AP3B1: variants seen among roughly 807,000 people sequenced by gnomAD.
AP3B1 encodes the protein AP-3 complex subunit beta-1.
In AP3B1, 61 loss-of-function variants were observed where a neutral mutation model predicts 132.5. That is an observed-to-expected ratio of 0.46 (90% CI 0.37 to 0.57). AP3B1 has a LOEUF of 0.57. Among genes scored for constraint, AP3B1 ranks in the 20% least tolerant of loss-of-function variants. The probability of loss-of-function intolerance (pLI) is 0.00; values close to 1 mark genes in which losing one functional copy is unlikely to be tolerated. For synonymous variants in AP3B1, 388 were observed against 438.3 expected (o/e 0.89, Z 1.43); for missense variants, 1,120 against 1,289.4 (o/e 0.87, Z 2.01).
intron 21 of AP3B1, among the ~76,000 whole-genome samples, chr5:78,091,277 CAAAAAAAAA>C (rs748473899): frequency 1.3e-5 from 1 of 79,514 alleles, no homozygotes; most frequent in African/African-American, 5.2e-5. Context: ...ATGTATTTGA[CAAAAAAAAA>C]AAAAAAAAAG....
chr5:78,151,695 G>C (rs1391801086), intron 14 of AP3B1, among the ~76,000 whole-genome samples: 3 of 152,030 alleles, frequency 2.0e-5, no homozygotes, highest in African/African-American at 7.2e-5. Flanking sequence ...GGTAACCCTG[G>C]GATAAATCCC....
At chr5:78,094,380 T>C (rs1048643879) in intron 21 of AP3B1, among the ~76,000 whole-genome samples, 2 of 152,208 alleles carry the variant, frequency 1.3e-5, no homozygotes, top group Admixed American at 6.5e-5. Flanking sequence ...GGAAGTTTTA[T>C]AGTCTTTAAA....
intron 26 of AP3B1, chr5:78,003,350 T>C (rs1269290027): frequency 6.5e-5 from 14 of 215,760 alleles, no homozygotes; most frequent in Middle Eastern, 2.2e-3. Flanking sequence ...TCCATTACAA[T>C]ATATTTGAGA....
chr5:78,169,733 G>GTTA (rs138208601), intron 11 of AP3B1, among the ~76,000 whole-genome samples: 32,518 of 151,192 alleles, frequency 0.22, 3,834 homozygotes, highest in Admixed American at 0.35. Context: ...AAGCCCTGAA[G>GTTA]TTTATTTATT....
intron 6 of AP3B1, among the ~76,000 whole-genome samples, chr5:78,217,990 T>C (rs1206037613): frequency 1.3e-5 from 2 of 152,026 alleles, no homozygotes; most frequent in Non-Finnish European, 2.9e-5. Flanking sequence ...AAGAGCTACA[T>C]GTACACAATA....
Position 78,267,610 on chromosome 5 carries a change from A to T in AP3B1, c.129-15T>A. The stretch of plus-strand genomic sequence containing the variant: ...GATCTTCATTCCTATTACAAAAGAG[A>T]AGAAAAAAAATCCATACTTTGATTT... On this transcript the variant is annotated splice_polypyrimidine_tract_variant and intron_variant, in intron 1 of 26. Coordinates refer to ENST00000255194, the MANE Select transcript of AP3B1 (RefSeq NM_003664.5). The T allele has an allele frequency of 6.6e-7, 1 of 1,523,066 alleles. No homozygotes were observed. The highest frequency in any genetic ancestry group is 9.1e-7 in the Non-Finnish European group (1 of 1,101,764). The allele number at this position is 1,523,066 out of a possible 1,614,324, so 94.3% of individuals were successfully genotyped here. A position where few individuals can be genotyped will look rare whatever the true frequency, so the allele number is the denominator to read the frequency against.
intron 22 of AP3B1, among the ~76,000 whole-genome samples, chr5:78,062,610 G>A (rs1233917369): frequency 6.6e-6 from 1 of 152,120 alleles, no homozygotes; most frequent in Non-Finnish European, 1.5e-5. Context: ...AGCTTACTGT[G>A]TTAGAAATAA....
At chr5:78,278,873 G>A (rs1439308940) in intron 1 of AP3B1, among the ~76,000 whole-genome samples, 1 of 152,032 alleles carries the variant, frequency 6.6e-6, no homozygotes, top group Non-Finnish European at 1.5e-5. Flanking sequence ...GATCTAGGCT[G>A]CACGCTCCTT....
intron 1 of AP3B1, among the ~76,000 whole-genome samples, chr5:78,283,700 A>C (rs1749154772): frequency 6.6e-6 from 1 of 152,112 alleles, no homozygotes; most frequent in Admixed American, 6.6e-5. Flanking sequence ...CAGATCCAAA[A>C]CGGACCTCAA....
chr5:78,067,556 AT>A (rs1221902905), intron 22 of AP3B1, among the ~76,000 whole-genome samples: 1 of 152,204 alleles, frequency 6.6e-6, no homozygotes, highest in Non-Finnish European at 1.5e-5. Flanking sequence ...AATAAGTGAA[AT>A]CTTAACAGTC....
chr5:78,281,742 G>A (rs557073741), intron 1 of AP3B1, among the ~76,000 whole-genome samples: 4 of 152,210 alleles, frequency 2.6e-5, no homozygotes, highest in African/African-American at 9.6e-5. Flanking sequence ...ATAGGAGAGA[G>A]GAGAAAATAG....
chr5:78,160,965 A>G (rs1234807420), intron 13 of AP3B1, among the ~76,000 whole-genome samples: 2 of 151,978 alleles, frequency 1.3e-5, no homozygotes, highest in African/African-American at 2.4e-5. Flanking sequence ...ATAATCTGAC[A>G]ATACAATTTA....
chr5:78,116,244 C>T lies in AP3B1; in HGVS notation c.1969-10G>A, dbSNP rs77009095. On this transcript the variant is annotated splice_polypyrimidine_tract_variant and intron_variant, in intron 17 of 26. Transcript: ENST00000255194. ...GGGTCCATTCTTTTGCCTGTTTAAA[C>T]AAATAAAGTAAATATAAATGAATTC... is the stretch of plus-strand genomic sequence containing the variant. The T allele has an allele frequency of 0.069, 110,353 of 1,593,932 alleles. 4,256 individuals are homozygous for T. The highest frequency in any genetic ancestry group is 0.078 in the Non-Finnish European group (90,281 of 1,162,092).
At chr5:78,097,220 C>T (rs1187720472) in intron 21 of AP3B1, among the ~76,000 whole-genome samples, 3 of 120,620 alleles carry the variant, frequency 2.5e-5, no homozygotes, top group South Asian at 2.5e-4. Flanking sequence ...CCAGCCACCC[C>T]GTCCGGGAGG....
At chr5:78,231,298 C>T (rs1015528388) in intron 3 of AP3B1, among the ~76,000 whole-genome samples, 6 of 151,906 alleles carry the variant, frequency 3.9e-5, no homozygotes, top group Admixed American at 3.9e-4. Flanking sequence ...CTCAGCTTCC[C>T]AAGTAGCTGG....
At chr5:78,117,250 T>C (rs1350583502) in intron 17 of AP3B1, among the ~76,000 whole-genome samples, 2 of 151,694 alleles carry the variant, frequency 1.3e-5, no homozygotes, top group East Asian at 1.9e-4. Flanking sequence ...TTTTTAACTG[T>C]TGGTCTATCC....
chr5:78,293,669 T>C (rs1358920823), intron 1 of AP3B1, among the ~76,000 whole-genome samples: 1 of 151,978 alleles, frequency 6.6e-6, no homozygotes, highest in Non-Finnish European at 1.5e-5. Context: ...ATAAGAGAAA[T>C]GTAAAAATGA....
intron 14 of AP3B1, 40 bp downstream of exon 14, chr5:78,156,218 C>T (rs769869983): frequency 1.4e-6 from 2 of 1,422,008 alleles, no homozygotes; most frequent in Non-Finnish European, 2.0e-6. Context: ...TTACAACTTA[C>T]TGAATAAAAT....
chr5:78,127,821 T>TG (rs1752523291), intron 17 of AP3B1, among the ~76,000 whole-genome samples: 1 of 152,264 alleles, frequency 6.6e-6, no homozygotes, highest in South Asian at 2.1e-4. Context: ...TCTATTTCCT[T>TG]GAAGAAAAGG....
Sources: allele counts gnomAD v4.1 joint callset (sites outside exome capture counted in the v4.1 genomes callset), GRCh38; gene constraint gnomAD v4.1.1; transcripts MANE v1.5; gene names NCBI Gene and HGNC (gene_info 2026-07-23, HGNC 2026-07-21).